MED12L: variants seen among roughly 807,000 people sequenced by gnomAD.
MED12L encodes mediator complex subunit 12L, also known as mediator of RNA polymerase II transcription subunit 12-like protein.
In MED12L, 60 loss-of-function variants were observed where a neutral mutation model predicts 281.3. The observed-to-expected ratio is 0.21, with a 90% CI of 0.17 to 0.26. MED12L has a LOEUF of 0.26. MED12L is among the 10% of genes least tolerant of loss of function. The probability of loss-of-function intolerance (pLI) is 1.00; values close to 1 mark genes in which losing one functional copy is unlikely to be tolerated. For missense variants in MED12L, 2,146 were observed against 2,680.9 expected (o/e 0.80, Z 4.41); for synonymous variants, 974 against 987.2 (o/e 0.99, Z 0.25).
intron 16 of MED12L, among the ~76,000 whole-genome samples, chr3:151,324,009 T>G (rs192488830): frequency 3.3e-5 from 5 of 151,422 alleles, no homozygotes; most frequent in Non-Finnish European, 7.4e-5. Context: ...GGAATTCTGC[T>G]AAGTCTGACA....
At chr3:151,272,735 G>A (rs1559966845) in intron 16 of MED12L, among the ~76,000 whole-genome samples, 1 of 152,128 alleles carries the variant, frequency 6.6e-6, no homozygotes. Flanking sequence ...GAAGTGTGGA[G>A]TTGTAGATTT....
Position 151,434,810 on chromosome 3 carries a change from T to C in MED12L, c.*2006T>C, listed in dbSNP as rs1719915222. 1 of 152,254 alleles carries C rather than the reference T, an allele frequency of 6.6e-6. No homozygotes were observed. The highest frequency in any genetic ancestry group is 2.4e-5 in the African/African-American group (1 of 41,472). The allele number at this position is 152,254 out of a possible 1,614,324, so 9.4% of individuals were successfully genotyped here. A position where few individuals can be genotyped will look rare whatever the true frequency, so the allele number is the denominator to read the frequency against. On this transcript the variant is annotated 3_prime_UTR_variant, in exon 45 of 45. Coordinates refer to ENST00000687756, the MANE Select transcript of MED12L (RefSeq NM_001393769.1). ...CTGTTTTAAGAATGAGTGTTATAAT[T>C]GCATAGCATTTGTATGCACTTTATA...
At chr3:151,166,785 C>T (rs1269751519) in intron 11 of MED12L, among the ~76,000 whole-genome samples, 1 of 151,922 alleles carries the variant, frequency 6.6e-6, no homozygotes, top group East Asian at 1.9e-4. Context: ...AAGTGATTTT[C>T]CTGCCTCAGC....
At chr3:151,346,998 A>G (rs891121298) in intron 16 of MED12L, among the ~76,000 whole-genome samples, 7 of 152,212 alleles carry the variant, frequency 4.6e-5, no homozygotes, top group African/African-American at 1.7e-4. Flanking sequence ...TACATTATAA[A>G]TAATTTTAAC....
At chr3:151,431,420 T>C (rs955880169) in intron 44 of MED12L, among the ~76,000 whole-genome samples, 3 of 152,206 alleles carry the variant, frequency 2.0e-5, no homozygotes, top group African/African-American at 7.2e-5. Context: ...GATATCCCTC[T>C]TACACCTTAG....
chr3:151,272,278 G>A (rs1741092986), intron 16 of MED12L, among the ~76,000 whole-genome samples: 1 of 152,162 alleles, frequency 6.6e-6, no homozygotes, highest in Admixed American at 6.5e-5. Flanking sequence ...TAGGGTCAAG[G>A]TTTCTCAAGT....
At chr3:151,181,576 CTTTTTT>C (rs57658133) in intron 11 of MED12L, among the ~76,000 whole-genome samples, 3,361 of 47,150 alleles carry the variant, frequency 0.071, 208 homozygotes, top group African/African-American at 0.22. Context: ...AGCTCATTGT[CTTTTTT>C]TTTTTTTTTT....
chr3:151,166,973 C>T (rs978447093), intron 11 of MED12L, among the ~76,000 whole-genome samples: 4 of 152,118 alleles, frequency 2.6e-5, no homozygotes, highest in East Asian at 1.9e-4. Context: ...CGCACCCGGC[C>T]GGGACCTTAG....
chr3:151,237,204 A>G (rs765500487), intron 16 of MED12L, among the ~76,000 whole-genome samples: 15 of 151,114 alleles, frequency 9.9e-5, no homozygotes, highest in Non-Finnish European at 1.6e-4. Flanking sequence ...ACGCCCAGCT[A>G]ATTTTTTGTA....
chr3:151,338,469 G>T, intron 16 of MED12L: 2 of 1,613,940 alleles, frequency 1.2e-6, no homozygotes, highest in Non-Finnish European at 1.7e-6. Context: ...TGGCCTGGTG[G>T]TCTTCTGGTA....
chr3:151,117,752 A>T (rs990409726), intron 3 of MED12L, among the ~76,000 whole-genome samples: 15 of 151,706 alleles, frequency 9.9e-5, no homozygotes, highest in Admixed American at 6.6e-4. Context: ...GTGCTCAAAA[A>T]ATTTTTTTAA....
chr3:151,139,486 T>C (rs1454613722), intron 5 of MED12L, among the ~76,000 whole-genome samples: 1 of 152,228 alleles, frequency 6.6e-6, no homozygotes, highest in Non-Finnish European at 1.5e-5. Context: ...GATTGTGTTA[T>C]CTCTTGAGCT....
chr3:151,208,872 T>C (rs1037674487), intron 16 of MED12L, among the ~76,000 whole-genome samples: 1 of 151,910 alleles, frequency 6.6e-6, no homozygotes, highest in South Asian at 2.1e-4. Flanking sequence ...AAGGGAGAAG[T>C]AGTGCAGGTA....
At chr3:151,387,387 T>C (rs1713577751) in intron 36 of MED12L, among the ~76,000 whole-genome samples, 1 of 152,216 alleles carries the variant, frequency 6.6e-6, no homozygotes. Context: ...AATTACAGGT[T>C]GACTATAACT....
At chr3:151,235,780 A>T (rs1001121657) in intron 16 of MED12L, among the ~76,000 whole-genome samples, 1 of 152,064 alleles carries the variant, frequency 6.6e-6, no homozygotes, top group African/African-American at 2.4e-5. Context: ...TGTGATTGTC[A>T]GTCTCTGGTA....
At chr3:151,385,216 A>G (rs1344883098) in intron 36 of MED12L, 25 bp downstream of exon 36, 3 of 1,088,604 alleles carry the variant, frequency 2.8e-6, no homozygotes, top group East Asian at 2.5e-5. Flanking sequence ...TTTTTCTTAT[A>G]TATAAATTTA....
intron 11 of MED12L, among the ~76,000 whole-genome samples, chr3:151,178,834 T>C (rs1420978492): frequency 6.6e-6 from 1 of 152,218 alleles, no homozygotes; most frequent in African/African-American, 2.4e-5. Context: ...GTAAATTTGG[T>C]AATCTATCAT....
At chr3:151,254,289 C>T (rs890155555) in intron 16 of MED12L, among the ~76,000 whole-genome samples, 1 of 152,134 alleles carries the variant, frequency 6.6e-6, no homozygotes, top group African/African-American at 2.4e-5. Flanking sequence ...ATTATGTCCA[C>T]AATTTTTGGA....
chr3:151,119,493 A>G (rs1713408014), intron 3 of MED12L, among the ~76,000 whole-genome samples: 1 of 152,060 alleles, frequency 6.6e-6, no homozygotes, highest in Admixed American at 6.5e-5. Flanking sequence ...GTCTCCTCTT[A>G]TAAAGTCCTA....
Sources: allele counts gnomAD v4.1 joint callset (sites outside exome capture counted in the v4.1 genomes callset), GRCh38; gene constraint gnomAD v4.1.1; transcripts MANE v1.5; gene names NCBI Gene and HGNC (gene_info 2026-07-23, HGNC 2026-07-21).